The following PLEKHH2 variants were observed in gnomAD, a reference collection of about 807,000 sequenced individuals.
The protein encoded by PLEKHH2 is pleckstrin homology, MyTH4 and FERM domain containing H2, also known as pleckstrin homology domain-containing family H member 2.
Under a neutral mutation model 187.9 loss-of-function variants are expected in PLEKHH2, and 129 were observed. The ratio of observed to expected loss-of-function variants is 0.69; its 90% CI spans 0.59 to 0.79. PLEKHH2 has a LOEUF of 0.79. Among genes scored for constraint, PLEKHH2 ranks in the 30% least tolerant of loss-of-function variants. PLEKHH2 has a pLI of 0.00. For synonymous variants in PLEKHH2, 686 were observed against 605.6 expected (o/e 1.13, Z -1.95); for missense variants, 2,076 against 1,751.2 (o/e 1.19, Z -3.31).
At chr2:43,751,926 C>CT (rs1191371733) in intron 24 of PLEKHH2, among the ~76,000 whole-genome samples, 2,611 of 139,812 alleles carry the variant, frequency 0.019, 75 homozygotes, top group African/African-American at 0.054. Context: ...CTCTCTCTCT[C>CT]TTTTTTTTTT....
At chr2:43,670,809 C>G (rs1218106225) in intron 2 of PLEKHH2, among the ~76,000 whole-genome samples, 1 of 152,052 alleles carries the variant, frequency 6.6e-6, no homozygotes, top group Non-Finnish European at 1.5e-5. Flanking sequence ...TAGTTTAACT[C>G]TCCATTTATT....
chr2:43,660,614 C>G (rs1404195541), intron 2 of PLEKHH2, among the ~76,000 whole-genome samples: 2 of 109,010 alleles, frequency 1.8e-5, no homozygotes, highest in African/African-American at 3.6e-5. Context: ...TGCCACCCCT[C>G]CCCCCTCCCC....
rs373510232 is a variant in PLEKHH2, at chr2:43,700,633, C to T, written c.1650+25C>T. The T allele has an allele frequency of 1.9e-6, 3 of 1,570,186 alleles. No individual in the cohort carries two copies. In the African/African-American group the frequency reaches 4.1e-5, roughly 21 times the overall value. On this transcript the variant is annotated intron_variant, in intron 8 of 29. Coordinates refer to ENST00000282406, the MANE Select transcript of PLEKHH2 (RefSeq NM_172069.4). Reference sequence around the variant, plus strand: ...GGTAATTATATCACCGCATGTAACACATACGCAGTAGTTTTTTTCTCAACA... The same window carrying T: ...GGTAATTATATCACCGCATGTAACATATACGCAGTAGTTTTTTTCTCAACA...
chr2:43,679,030 CT>C (rs1668025363), intron 3 of PLEKHH2, 105 bp downstream of exon 3: 1 of 677,750 alleles, frequency 1.5e-6, no homozygotes, highest in East Asian at 2.6e-5. Context: ...TACATCTTAT[CT>C]TTTTGACTGT....
At chr2:43,660,250 G>A (rs960015002) in intron 2 of PLEKHH2, among the ~76,000 whole-genome samples, 15 of 152,068 alleles carry the variant, frequency 9.9e-5, no homozygotes, top group African/African-American at 2.9e-4. Flanking sequence ...TCCATTGTAC[G>A]TGTGCACCAT....
intron 2 of PLEKHH2, among the ~76,000 whole-genome samples, chr2:43,651,876 T>A (rs145762990): frequency 6.6e-6 from 1 of 152,362 alleles, no homozygotes; most frequent in East Asian, 1.9e-4. Flanking sequence ...CCCTGAATTA[T>A]CTTTCTTTCT....
chr2:43,710,282 G>A lies in PLEKHH2; in HGVS notation c.2166G>A (p.Arg722=), dbSNP rs1421992296. 6.2e-7 allele frequency: 1 copy of A among 1,614,166 alleles called. No homozygotes were observed. The highest frequency in any genetic ancestry group is 8.5e-7 in the Non-Finnish European group (1 of 1,180,022). The change falls in exon 13 of 30, where the codon CGG becomes CGA. Residue 722 remains arginine (R), a synonymous_variant. Transcript: ENST00000282406. ...GTGGTAAAGTCAAGTCTTGGAAGCG[G>A]CGGTGGTTTGTTCTTAAAGGTGGTG... The part of the protein sequence containing the change: ...KMSGKVKSWK[R]RWFVLKGGEL...
At chr2:43,659,704 A>G (rs947221796) in intron 2 of PLEKHH2, among the ~76,000 whole-genome samples, 1 of 151,740 alleles carries the variant, frequency 6.6e-6, no homozygotes, top group Non-Finnish European at 1.5e-5. Flanking sequence ...GACTACAGGC[A>G]CGTGCCATCA....
intron 11 of PLEKHH2, among the ~76,000 whole-genome samples, chr2:43,708,286 G>C (rs2104510779): frequency 6.6e-6 from 1 of 152,294 alleles, no homozygotes; most frequent in South Asian, 2.1e-4. Flanking sequence ...ACGGCTATAA[G>C]GTGTTCCAGG....
chr2:43,734,111 C>T (rs1196054399), intron 19 of PLEKHH2, among the ~76,000 whole-genome samples: 1 of 152,126 alleles, frequency 6.6e-6, no homozygotes. Flanking sequence ...TTACTTGGGA[C>T]AATTTCCAAC....
In PLEKHH2 at chr2:43,639,050, T is replaced by C. The variant is rs561382747; in HGVS notation, c.-4+1671T>C. Among the ~76,000 whole-genome samples, 5 of 152,344 alleles carry C rather than the reference T, an allele frequency of 3.3e-5. No homozygotes were observed. In the South Asian group the frequency reaches 6.2e-4, roughly 19 times the overall value. On this transcript the variant is annotated intron_variant, in intron 1 of 29. Coordinates refer to ENST00000282406, the MANE Select transcript of PLEKHH2 (RefSeq NM_172069.4). ...TTTGAATTAATTTATTATGTCATCA[T>C]AGCAAAGTGCGCTAGGTAAGATATA...
Position 43,700,076 on chromosome 2 carries a change from A to G in PLEKHH2, c.1118A>G (p.Glu373Gly). The G allele has an allele frequency of 6.2e-7, 1 of 1,614,200 alleles. No homozygotes were observed. The highest frequency in any genetic ancestry group is 1.1e-5 in the South Asian group (1 of 91,084). The change falls in exon 8 of 30, where the codon GAA becomes GGA. Residue 373 changes from glutamate to glycine, a missense_variant. Physicochemically the swap from Glu to Gly is moderately conservative, Grantham distance 98. Transcript: ENST00000282406. ...LNSPLGKGNS[E>G]LSKKEQDSSS... ...AGTCCTCTTGGAAAGGGAAATTCTGAATTAAGTAAAAAGGAACAAGATAGT... is the reference window on the plus strand; with the variant it reads ...AGTCCTCTTGGAAAGGGAAATTCTGGATTAAGTAAAAAGGAACAAGATAGT...
At chr2:43,753,802 G>A in intron 25 of PLEKHH2, 42 bp downstream of exon 25, 1 of 1,379,922 alleles carries the variant, frequency 7.2e-7, no homozygotes, top group Non-Finnish European at 9.7e-7. Context: ...GAAATAATAT[G>A]ATACTAATTT....
At position 43,668,649 on chromosome 2, in the gene PLEKHH2, A is replaced by G. The variant is rs146033735; in HGVS notation, c.124-10214A>G. The stretch of plus-strand genomic sequence containing the variant: ...TGGAAGGTTCTCTAAAGTACAATGA[A>G]TGGGTCAGAGTAGAACTACAGGATC... On this transcript the variant is annotated intron_variant, in intron 2 of 29. Transcript: ENST00000282406. Among the ~76,000 whole-genome samples the G allele has an allele frequency of 7.5e-3, 1,149 of 152,276 alleles. 11 individuals carry two copies. The highest frequency in any genetic ancestry group is 0.026 in the African/African-American group (1,085 of 41,552).
rs139341843 is a variant in PLEKHH2 at position 43,710,254 on chromosome 2, T to C, written c.2138T>C (p.Met713Thr). 126 of 1,614,154 alleles carry C rather than the reference T, an allele frequency of 7.8e-5. No individual in the cohort carries two copies. The African/African-American group carries it at 1.4e-3, about 18-fold the overall frequency. The change falls in exon 13 of 30, where the codon ATG becomes ACG. Residue 713 changes from methionine to threonine, a missense_variant. By Grantham distance (81) the Met-to-Thr change is moderately conservative (BLOSUM62 -1). Transcript: ENST00000282406. ...PLEKSGYLLK[M>T]SGKVKSWKRR... ...GAAAAATCTGGTTATTTATTAAAAA[T>C]GAGTGGTAAAGTCAAGTCTTGGAAG...
chr2:43,675,244 C>T (rs1303406281), intron 2 of PLEKHH2: 1 of 547,712 alleles, frequency 1.8e-6, no homozygotes, highest in African/African-American at 1.9e-5. Flanking sequence ...TGTTTTACAT[C>T]TTCATACTGT....
At chr2:43,637,801 C>G (rs1470756558) in intron 1 of PLEKHH2, among the ~76,000 whole-genome samples, 1 of 152,174 alleles carries the variant, frequency 6.6e-6, no homozygotes, top group African/African-American at 2.4e-5. Flanking sequence ...GGGAGATCCA[C>G]CAGGATCTCC....
At chr2:43,741,064 C>A in intron 21 of PLEKHH2, 21 bp downstream of exon 21, 3 of 1,582,646 alleles carry the variant, frequency 1.9e-6, no homozygotes, top group Non-Finnish European at 2.6e-6. Context: ...TACTAGCCAG[C>A]TGAACTGTTT....
At chr2:43,758,789 A>T (rs981880164) in intron 26 of PLEKHH2, 111 bp from the exon 27 acceptor site, 10 of 876,070 alleles carry the variant, frequency 1.1e-5, no homozygotes, top group African/African-American at 6.8e-5. Context: ...ATGCCTAGGG[A>T]TCACAGTTAT....
Sources: gnomAD v4.1 joint callset for allele counts (sites outside exome capture counted in the v4.1 genomes callset) on GRCh38, gnomAD v4.1.1 for gene constraint, MANE v1.5 for transcripts, NCBI Gene and HGNC (gene_info 2026-07-23, HGNC 2026-07-21) for gene names.